Variants in ANKRD36C observed in about 807,000 individuals in gnomAD.
The protein encoded by ANKRD36C is ankyrin repeat domain-containing protein 36C.
A neutral mutation model predicts 276.4 loss-of-function variants in ANKRD36C; 61 were observed. That is an observed-to-expected ratio of 0.22 (90% CI 0.18 to 0.27). The LOEUF is 0.27. Among genes scored for constraint, ANKRD36C ranks in the 10% least tolerant of loss-of-function variants. ANKRD36C has a pLI of 1.00. For missense variants in ANKRD36C, 1,447 were observed against 2,032.3 expected (o/e 0.71, Z 5.54); for synonymous variants, 483 against 680.1 (o/e 0.71, Z 4.51).
intron 20 of ANKRD36C, among the ~76,000 whole-genome samples, chr2:95,939,766 A>G (rs1447291281): frequency 1.3e-5 from 2 of 152,308 alleles, no homozygotes; most frequent in African/African-American, 2.4e-5. Context: ...AGTGCTCTCA[A>G]TCATTAGTTT....
chr2:95,970,032 T>C (rs1479404980), intron 6 of ANKRD36C, among the ~76,000 whole-genome samples: 2 of 152,218 alleles, frequency 1.3e-5, no homozygotes, highest in Non-Finnish European at 2.9e-5. Flanking sequence ...ATTACTGTAC[T>C]TATTTTGTTG....
chr2:95,892,214 A>G (rs1676389343), intron 44 of ANKRD36C, among the ~76,000 whole-genome samples: 1 of 151,580 alleles, frequency 6.6e-6, no homozygotes, highest in African/African-American at 2.4e-5. Context: ...AGCAGGTGCT[A>G]CATGATCCCA....
chr2:95,896,879 G>C (rs1216871076), intron 44 of ANKRD36C, among the ~76,000 whole-genome samples: 4 of 149,332 alleles, frequency 2.7e-5, no homozygotes, highest in African/African-American at 7.4e-5. Context: ...GTGTCTACGG[G>C]TTGTTACAAC....
At chr2:95,968,295 T>G (rs770960021) in intron 6 of ANKRD36C, among the ~76,000 whole-genome samples, 1 of 152,246 alleles carries the variant, frequency 6.6e-6, no homozygotes, top group Non-Finnish European at 1.5e-5. Context: ...TCCTTTCTTA[T>G]GTGCTTAGCA....
At chr2:95,863,107 G>C (rs188043863) in intron 60 of ANKRD36C, among the ~76,000 whole-genome samples, 1 of 152,170 alleles carries the variant, frequency 6.6e-6, no homozygotes, top group African/African-American at 2.4e-5. Context: ...TAGCCAGGCT[G>C]CTCCGAATAA....
exon 28 of ANKRD36C, chr2:95,927,245 T>G (rs1290368916): frequency 5.0e-6 from 8 of 1,610,334 alleles, no homozygotes; most frequent in East Asian, 2.2e-5. Flanking sequence ...CCTTTATTTC[T>G]GTGGCTATAT....
chr2:95,892,342 A>C (rs1341318847), intron 44 of ANKRD36C, among the ~76,000 whole-genome samples: 1 of 151,508 alleles, frequency 6.6e-6, no homozygotes, highest in African/African-American at 2.4e-5. Context: ...AATTCAATTG[A>C]ATGTACCCTT....
intron 6 of ANKRD36C, among the ~76,000 whole-genome samples, chr2:95,963,972 AATATATATATATATATATAT>A (rs1160108122): frequency 4.3e-4 from 21 of 48,998 alleles, no homozygotes; most frequent in Non-Finnish European, 6.3e-4. Flanking sequence ...TATATATATA[AATATATATATATATATATAT>A]ATATATATAT....
intron 42 of ANKRD36C, 51 bp downstream of exon 44, chr2:95,912,193 G>T (rs1676949029): frequency 6.5e-7 from 1 of 1,539,410 alleles, no homozygotes; most frequent in Non-Finnish European, 8.8e-7. Context: ...TCGGGGAAGA[G>T]AACTTCTTAT....
intron 12 of ANKRD36C, among the ~76,000 whole-genome samples, chr2:95,958,213 T>C (rs1409610286): frequency 6.6e-6 from 1 of 151,974 alleles, no homozygotes; most frequent in Non-Finnish European, 1.5e-5. Flanking sequence ...CGATCACTTC[T>C]TCCCTCCGGT....
At chr2:95,912,044 G>A (rs919920883) in intron 42 of ANKRD36C, among the ~76,000 whole-genome samples, 200 bp downstream of exon 44, 3 of 151,372 alleles carry the variant, frequency 2.0e-5, no homozygotes, top group Non-Finnish European at 4.4e-5. Context: ...ATTGCAATGT[G>A]GGGATGTGTA....
At chr2:95,914,144 C>A in exon 40 of ANKRD36C, 1 of 1,582,804 alleles carries the variant, frequency 6.3e-7, no homozygotes, top group East Asian at 2.3e-5. Flanking sequence ...TTTCCTCTGG[C>A]TATATTCAAA....
chr2:95,923,669 G>C lies in ANKRD36C; in HGVS notation c.2062C>G (p.Pro688Ala), dbSNP rs749698575. Residue 688 changes from proline (P) to alanine (A), a missense_variant, in exon 31 of 67, where the codon CCC becomes GCC. Pro to Ala is a conservative substitution (Grantham distance 27, BLOSUM62 -1). Around this residue, in one of 13 missense-constraint regions of ANKRD36C, gnomAD observed 565 missense variants for 539.5 expected, o/e 1.05. Transcript: ENST00000456556. Reference sequence around the variant, plus strand: ...AATGAGAGTTTAATTACCTTTGAGGGTGGTTGTTTCTGAGAAGACACTGAA... The same window carrying C: ...AATGAGAGTTTAATTACCTTTGAGGCTGGTTGTTTCTGAGAAGACACTGAA... 292 of 1,610,398 alleles carry C rather than the reference G, an allele frequency of 1.8e-4. 1 individual carries two copies. In the African/African-American group the frequency reaches 3.6e-3, roughly 20 times the overall value.
At chr2:95,860,122 T>C in intron 60 of ANKRD36C, 48 bp from the exon 81 acceptor site, 1 of 1,236,860 alleles carries the variant, frequency 8.1e-7, no homozygotes, top group African/African-American at 1.5e-5. Context: ...TGAGTAGATT[T>C]TTGGATATAA....
intron 44 of ANKRD36C, 72 bp from the exon 63 acceptor site, chr2:95,893,796 T>G: frequency 6.3e-7 from 1 of 1,598,034 alleles, no homozygotes; most frequent in South Asian, 1.1e-5. Context: ...TCATGCAGAG[T>G]TAGCATCAAA....
rs1679056429 is a variant in ANKRD36C at position 95,987,612 on chromosome 2, T to C, written c.198-406A>G. ...TATTACTACTTACAAAGACTTTTTT[T>C]TTTTTTTTTTTTTTTTTTTTGAGAC... On this transcript the variant is annotated intron_variant, in intron 1 of 66. Transcript: ENST00000456556. Among the ~76,000 whole-genome samples, 3 of 134,818 alleles carry C rather than the reference T, an allele frequency of 2.2e-5. No homozygotes were observed. In the South Asian group the frequency reaches 7.8e-4, roughly 35 times the overall value. 88.4% of individuals were successfully genotyped at this position (134,818 alleles called of 152,430 possible). A position where few individuals can be genotyped will look rare whatever the true frequency, so the allele number is the denominator to read the frequency against.
intron 6 of ANKRD36C, among the ~76,000 whole-genome samples, chr2:95,974,050 C>CA (rs1207476983): frequency 0.026 from 2,265 of 87,368 alleles, 130 homozygotes; most frequent in East Asian, 0.22. Context: ...GACTCAATCT[C>CA]AAAAAAAAAA....
chr2:95,983,889 T>C (rs920540632), intron 3 of ANKRD36C, among the ~76,000 whole-genome samples: 1 of 151,662 alleles, frequency 6.6e-6, no homozygotes, highest in Non-Finnish European at 1.5e-5. Flanking sequence ...GTGCTAGGAT[T>C]ACAGGCGTGA....
At chr2:95,928,908 C>G (rs199526124) in intron 26 of ANKRD36C, among the ~76,000 whole-genome samples, 164 bp downstream of exon 26, 1 of 151,448 alleles carries the variant, frequency 6.6e-6, no homozygotes, top group Non-Finnish European at 1.5e-5. Flanking sequence ...TGACCAAGGA[C>G]CAGCAGCATC....
Sources: allele counts gnomAD v4.1 joint callset (sites outside exome capture counted in the v4.1 genomes callset), GRCh38; gene constraint gnomAD v4.1.1; regional missense constraint gnomAD v4.1.1; transcripts MANE v1.5; gene names NCBI Gene and HGNC (gene_info 2026-07-23, HGNC 2026-07-21).